Variants in PRKCE observed in about 807,000 individuals in gnomAD.
PRKCE encodes the protein protein kinase C epsilon.
A neutral mutation model predicts 85.4 loss-of-function variants in PRKCE; 16 were observed. The ratio of observed to expected loss-of-function variants is 0.19; its 90% CI spans 0.13 to 0.28. PRKCE has a LOEUF of 0.28. PRKCE is among the 10% of genes least tolerant of loss of function. The probability of loss-of-function intolerance (pLI) is 1.00; values close to 1 mark genes in which losing one functional copy is unlikely to be tolerated. For missense variants in PRKCE, 573 were observed against 975.2 expected, an observed-to-expected ratio of 0.59 and a Z score of 5.49; for synonymous variants, 388 against 371.5, an observed-to-expected ratio of 1.04 and a Z score of -0.51.
chr2:45,710,964 G>T (rs890858281), intron 1 of PRKCE, among the ~76,000 whole-genome samples: 1 of 152,202 alleles, frequency 6.6e-6, no homozygotes, highest in Non-Finnish European at 1.5e-5. Context: ...ATCCAGCCAG[G>T]CAAAAACATA....
At chr2:45,974,830 C>A (rs997708863) in intron 2 of PRKCE, among the ~76,000 whole-genome samples, 3 of 152,124 alleles carry the variant, frequency 2.0e-5, no homozygotes, top group African/African-American at 4.8e-5. Context: ...GGGCACAGAG[C>A]CTTCCAGTGC....
intron 1 of PRKCE, among the ~76,000 whole-genome samples, chr2:45,743,999 T>G (rs1187959828): frequency 6.6e-6 from 1 of 151,212 alleles, no homozygotes; most frequent in African/African-American, 2.4e-5. Context: ...TGTGTGTTTT[T>G]TTTTTTTTTT....
intron 11 of PRKCE, among the ~76,000 whole-genome samples, chr2:46,130,747 C>T (rs990352608): frequency 4.6e-5 from 7 of 152,218 alleles, no homozygotes; most frequent in African/African-American, 1.7e-4. Context: ...AACCTACCCA[C>T]ACGTAGCTTC....
intron 1 of PRKCE, among the ~76,000 whole-genome samples, chr2:45,667,255 G>A (rs1254439780): frequency 6.6e-6 from 1 of 150,896 alleles, no homozygotes; most frequent in East Asian, 2.0e-4. Flanking sequence ...AGGTTGCGGT[G>A]AGCCGAGATC....
rs930727696 is a variant in PRKCE at position 46,129,429 on chromosome 2, T to G, written c.1593-15664T>G. Among the ~76,000 whole-genome samples the G allele has an allele frequency of 8.3e-5, 12 of 144,818 alleles. No individual in the cohort carries two copies. The East Asian group carries it at 1.2e-3, about 14-fold the overall frequency. The stretch of plus-strand genomic sequence containing the variant: ...CTTTTACTCCTCAACGTTATTTTAT[T>G]TTTTTTATATGTGTTGATTGTCGCT... On this transcript the variant is annotated intron_variant, in intron 11 of 14. Transcript: ENST00000306156.
chr2:45,733,037 T>A (rs1259731533), intron 1 of PRKCE, among the ~76,000 whole-genome samples: 1 of 152,206 alleles, frequency 6.6e-6, no homozygotes, highest in East Asian at 1.9e-4. Flanking sequence ...AAAGCAGCCA[T>A]AGACAATACA....
intron 11 of PRKCE, among the ~76,000 whole-genome samples, chr2:46,110,291 A>G (rs998145386): frequency 1.3e-5 from 2 of 152,150 alleles, no homozygotes; most frequent in African/African-American, 4.8e-5. Flanking sequence ...AGTGTTTGGT[A>G]CAATTCACCA....
intron 13 of PRKCE, among the ~76,000 whole-genome samples, chr2:46,157,120 CTG>C (rs1677289374): frequency 1.3e-5 from 2 of 152,234 alleles, no homozygotes; most frequent in Non-Finnish European, 2.9e-5. Flanking sequence ...CTCTGAATCA[CTG>C]CAGAGGACTC....
At chr2:45,719,717 A>C (rs1163167382) in intron 1 of PRKCE, among the ~76,000 whole-genome samples, 1 of 152,122 alleles carries the variant, frequency 6.6e-6, no homozygotes, top group African/African-American at 2.4e-5. Context: ...CCCCTTTTAC[A>C]ATCTAGATCA....
rs370282233 is a variant in PRKCE at position 45,906,812 on chromosome 2, C to T, written c.412+63749C>T. Among the ~76,000 whole-genome samples the T allele has an allele frequency of 4.5e-3, 689 of 152,296 alleles. 1 individual carries two copies. The highest frequency in any genetic ancestry group is 8.0e-3 in the Non-Finnish European group (546 of 68,030). On this transcript the variant is annotated intron_variant, in intron 2 of 14. Transcript: ENST00000306156. ...TGAGGTGCCTGCTGTATGTGCCTAC[C>T]CTGCAGAGGCCTGGGGCCAGCACTG...
At position 45,795,104 on chromosome 2, in the gene PRKCE, G is replaced by A. The variant is rs374450872; in HGVS notation, c.349-47896G>A. On this transcript the variant is annotated intron_variant, in intron 1 of 14. Coordinates refer to ENST00000306156, the MANE Select transcript of PRKCE (RefSeq NM_005400.3). ...TCTTCTCCTTCTTGAGGTCCCCCAC[G>A]GGGGTTTCCAGAGACTGCAGCATCC... Among the ~76,000 whole-genome samples the A allele has an allele frequency of 4.1e-3, 620 of 152,172 alleles. 4 individuals are homozygous for A. Among genetic ancestry groups the A allele is most frequent in the African/African-American group, 0.013 (559 of 41,502 alleles).
intron 2 of PRKCE, among the ~76,000 whole-genome samples, chr2:45,958,583 G>A (rs1198704355): frequency 6.7e-6 from 1 of 149,844 alleles, no homozygotes; most frequent in Admixed American, 6.6e-5. Flanking sequence ...CACCTGCCAG[G>A]GAGCACCCCC....
rs567919611 is a variant in PRKCE at position 46,055,127 on chromosome 2, G to A, written c.1438-31081G>A. On this transcript the variant is annotated intron_variant, in intron 10 of 14. Transcript: ENST00000306156. The stretch of plus-strand genomic sequence containing the variant: ...TGCAGGCGCAAAAGGCCGTCACACT[G>A]ACCCTCCACTGAGCTGTTCATACTT... 4.6e-5 allele frequency among the ~76,000 whole-genome samples: 7 copies of A among 152,328 alleles called. No homozygotes were observed. In the South Asian group the frequency reaches 1.4e-3, roughly 32 times the overall value.
At chr2:46,101,906 T>C (rs55858600) in intron 11 of PRKCE, among the ~76,000 whole-genome samples, 39,960 of 150,156 alleles carry the variant, frequency 0.27, 5,550 homozygotes, top group South Asian at 0.42. Flanking sequence ...ATTTGTAGCA[T>C]TAACTGATTT....
chr2:45,783,476 T>C (rs1261102247), intron 1 of PRKCE, among the ~76,000 whole-genome samples: 2 of 152,174 alleles, frequency 1.3e-5, no homozygotes, highest in African/African-American at 4.8e-5. Context: ...GAGTCTCAGG[T>C]CAGGAACTGC....
At chr2:45,999,499 G>A (rs1365452103) in intron 6 of PRKCE, among the ~76,000 whole-genome samples, 1 of 151,632 alleles carries the variant, frequency 6.6e-6, no homozygotes, top group Non-Finnish European at 1.5e-5. Context: ...ACTTCTTTCA[G>A]CGTTTTTTAA....
At chr2:45,890,177 T>C (rs1354747087) in intron 2 of PRKCE, among the ~76,000 whole-genome samples, 2 of 152,236 alleles carry the variant, frequency 1.3e-5, no homozygotes, top group South Asian at 4.1e-4. Flanking sequence ...TTCAAGCTTT[T>C]ATTATGGACA....
At chr2:46,169,512 G>A (rs190988793) in intron 14 of PRKCE, among the ~76,000 whole-genome samples, 1 of 152,280 alleles carries the variant, frequency 6.6e-6, no homozygotes, top group Non-Finnish European at 1.5e-5. Flanking sequence ...AGTATTTCAG[G>A]TGTGAGAGCC....
At chr2:46,081,500 A>G (rs1009846234) in intron 10 of PRKCE, among the ~76,000 whole-genome samples, 13 of 152,222 alleles carry the variant, frequency 8.5e-5, no homozygotes, top group African/African-American at 2.9e-4. Context: ...TAATTACACA[A>G]ATAAAACCTC....
Sources: gnomAD v4.1 joint callset for allele counts (sites outside exome capture counted in the v4.1 genomes callset) on GRCh38, gnomAD v4.1.1 for gene constraint, MANE v1.5 for transcripts, NCBI Gene and HGNC (gene_info 2026-07-23, HGNC 2026-07-21) for gene names.